Variants in RAB3B observed in about 807,000 individuals in gnomAD.
RAB3B encodes the protein RAB3B, member RAS oncogene family.
Under a neutral mutation model 20.5 loss-of-function variants are expected in RAB3B, and 11 were observed. That is an observed-to-expected ratio of 0.54 (90% CI 0.34 to 0.89). The LOEUF (loss-of-function observed/expected upper bound fraction) is 0.89. Among genes scored for constraint, RAB3B ranks in the 40% least tolerant of loss-of-function variants. The pLI is 0.02. For synonymous variants in RAB3B, 99 were observed against 106.3 expected, an observed-to-expected ratio of 0.93 and a Z score of 0.42; for missense variants, 225 against 280.9, an observed-to-expected ratio of 0.80 and a Z score of 1.42.
intron 2 of RAB3B, among the ~76,000 whole-genome samples, chr1:51,975,384 T>C (rs1257198182): frequency 6.6e-6 from 1 of 152,158 alleles, no homozygotes. Context: ...CAGATACTAA[T>C]AATAATAGTA....
chr1:51,908,383 T>A lies in RAB3B; in HGVS notation c.*11544A>T, dbSNP rs568542439. 5.0e-4 allele frequency: 76 copies of A among 152,224 alleles called. No individual in the cohort carries two copies. The highest frequency in any genetic ancestry group is 1.7e-3 in the African/African-American group (69 of 41,534). The allele number at this position is 152,224 out of a possible 1,614,324, so 9.4% of individuals were successfully genotyped here. On this transcript the variant is annotated 3_prime_UTR_variant, in exon 5 of 5. Transcript: ENST00000371655. Reference sequence around the variant, plus strand: ...CTATGGTACATCTCCTAGGTTGGCATGAGACCAGCCTGGTCCCCAGTTGAA... The same window carrying A: ...CTATGGTACATCTCCTAGGTTGGCAAGAGACCAGCCTGGTCCCCAGTTGAA...
intron 4 of RAB3B, among the ~76,000 whole-genome samples, chr1:51,922,192 A>C (rs1684181329): frequency 1.3e-5 from 2 of 152,196 alleles, no homozygotes; most frequent in Admixed American, 6.5e-5. Flanking sequence ...TGGACTCCCC[A>C]GTCTTTGACT....
At chr1:51,923,459 TA>T (rs1684200220) in intron 4 of RAB3B, among the ~76,000 whole-genome samples, 1 of 152,134 alleles carries the variant, frequency 6.6e-6, no homozygotes, top group Admixed American at 6.5e-5. Context: ...CTCACGCCTG[TA>T]ATCCCTGCAG....
chr1:51,928,967 G>A (rs1461079851), intron 4 of RAB3B, among the ~76,000 whole-genome samples: 1 of 152,174 alleles, frequency 6.6e-6, no homozygotes, highest in Non-Finnish European at 1.5e-5. Flanking sequence ...AGCACTTGTG[G>A]TGGACTTATG....
chr1:51,925,160 G>T (rs1023899382), intron 4 of RAB3B, among the ~76,000 whole-genome samples: 1 of 152,082 alleles, frequency 6.6e-6, no homozygotes, highest in African/African-American at 2.4e-5. Flanking sequence ...TCCCAACACT[G>T]CTCCAGAACA....
At chr1:51,989,025 T>C (rs1309810962) in intron 1 of RAB3B, among the ~76,000 whole-genome samples, 2 of 150,320 alleles carry the variant, frequency 1.3e-5, no homozygotes, top group Non-Finnish European at 3.0e-5. Context: ...TCCACTTCTA[T>C]AGATAGGGCC....
At chr1:51,969,800 A>T (rs774784806) in intron 2 of RAB3B, among the ~76,000 whole-genome samples, 19 of 152,200 alleles carry the variant, frequency 1.2e-4, no homozygotes, top group Non-Finnish European at 2.4e-4. Context: ...TTATCTATGT[A>T]TGTCTTTAGT....
rs1263975433 is a variant in RAB3B, at chr1:51,980,732, G to C, written c.1-3615C>G. On this transcript the variant is annotated intron_variant, in intron 1 of 4. Transcript: ENST00000371655. ...ATTCACAGCAAAGTAGTCAGGAATCGATCTCATGAAGCCCGCAAGGACCAA... is the reference window on the plus strand; with the variant it reads ...ATTCACAGCAAAGTAGTCAGGAATCCATCTCATGAAGCCCGCAAGGACCAA... The C allele has an allele frequency of 1.3e-5, 10 of 755,514 alleles. 1 individual carries two copies. Among genetic ancestry groups the C allele is most frequent in the South Asian group, 1.2e-4 (9 of 74,444 alleles). 46.8% of individuals were successfully genotyped at this position (755,514 alleles called of 1,614,324 possible).
At chr1:51,940,212 A>C (rs548247951) in intron 2 of RAB3B, among the ~76,000 whole-genome samples, 1 of 152,288 alleles carries the variant, frequency 6.6e-6, no homozygotes, top group East Asian at 1.9e-4. Flanking sequence ...TAGAACAACC[A>C]CCACCCCTGC....
chr1:51,987,767 G>C (rs964401627), intron 1 of RAB3B, among the ~76,000 whole-genome samples: 2 of 152,174 alleles, frequency 1.3e-5, no homozygotes, highest in East Asian at 3.9e-4. Flanking sequence ...CATATATACC[G>C]AAATCCACGC....
chr1:51,923,787 T>C (rs946702612), intron 4 of RAB3B, among the ~76,000 whole-genome samples: 1 of 150,824 alleles, frequency 6.6e-6, no homozygotes, highest in African/African-American at 2.4e-5. Context: ...GGAATCCCAG[T>C]ACTTTGGGGG....
intron 2 of RAB3B, among the ~76,000 whole-genome samples, chr1:51,976,152 ATTT>A (rs1685006537): frequency 7.9e-6 from 1 of 126,856 alleles, no homozygotes; most frequent in Admixed American, 7.2e-5. Flanking sequence ...GACACTACCA[ATTT>A]ATTTATTTAT....
At chr1:51,960,434 G>T (rs1684770328) in intron 2 of RAB3B, among the ~76,000 whole-genome samples, 1 of 152,176 alleles carries the variant, frequency 6.6e-6, no homozygotes, top group Non-Finnish European at 1.5e-5. Flanking sequence ...GCACAGAGCT[G>T]ACAGACTTCA....
chr1:51,936,147 G>A (rs913613511), intron 3 of RAB3B, among the ~76,000 whole-genome samples: 4 of 152,198 alleles, frequency 2.6e-5, no homozygotes, highest in African/African-American at 9.7e-5. Context: ...TGCCTGGTCT[G>A]CTCAGCCTCT....
At chr1:51,922,921 T>A (rs1684191667) in intron 4 of RAB3B, among the ~76,000 whole-genome samples, 1 of 152,114 alleles carries the variant, frequency 6.6e-6, no homozygotes, top group South Asian at 2.1e-4. Context: ...AGTCTGGAAC[T>A]CCCAACCTCA....
intron 2 of RAB3B, among the ~76,000 whole-genome samples, chr1:51,954,516 T>C (rs1259577105): frequency 6.6e-6 from 1 of 152,246 alleles, no homozygotes; most frequent in African/African-American, 2.4e-5. Flanking sequence ...TGGCAGTTGC[T>C]ATTCTTATTA....
chr1:51,969,229 C>G (rs566293409), intron 2 of RAB3B, among the ~76,000 whole-genome samples: 29 of 152,194 alleles, frequency 1.9e-4, no homozygotes, highest in African/African-American at 6.7e-4. Context: ...CCCAGGAGGT[C>G]GAGGCTGCAG....
chr1:51,930,890 G>A (rs1013536340), intron 4 of RAB3B, among the ~76,000 whole-genome samples: 1 of 151,876 alleles, frequency 6.6e-6, no homozygotes, highest in African/African-American at 2.4e-5. Flanking sequence ...GGTGGTGGGT[G>A]CCTATAATCC....
rs1685213060 is a variant in RAB3B at position 51,990,669 on chromosome 1, C to CGGTCCGGTCA, written c.-119_-118insTGACCGGACC. On this transcript the variant is annotated 5_prime_UTR_variant, in exon 1 of 5. Transcript: ENST00000371655. ...CGGGGCGCTGCGGGATGGTCTGGTCCGGTCAGGTCCTCACAGTGGCGCCTG... is the reference window on the plus strand; with the variant it reads ...CGGGGCGCTGCGGGATGGTCTGGTCCGGTCCGGTCAGGTCAGGTCCTCACAGTGGCGCCTG... The CGGTCCGGTCA allele has an allele frequency of 6.6e-6, 1 of 152,376 alleles. No individual in the cohort carries two copies. The highest frequency in any genetic ancestry group is 2.4e-5 in the African/African-American group (1 of 41,420). The allele number at this position is 152,376 out of a possible 1,614,324, so 9.4% of individuals were successfully genotyped here.
Sources: allele counts gnomAD v4.1 joint callset (sites outside exome capture counted in the v4.1 genomes callset), GRCh38; gene constraint gnomAD v4.1.1; transcripts MANE v1.5; gene names NCBI Gene and HGNC (gene_info 2026-07-23, HGNC 2026-07-21).